The following SEMA6D variants were observed in gnomAD, a reference collection of about 807,000 sequenced individuals.
The protein encoded by SEMA6D is semaphorin 6D, also known as semaphorin-6D.
Under a neutral mutation model 106.6 loss-of-function variants are expected in SEMA6D, and 35 were observed. The observed-to-expected ratio is 0.33, with a 90% confidence interval of 0.25 to 0.44. The LOEUF (loss-of-function observed/expected upper bound fraction) is 0.44, where lower values mean the gene tolerates loss of function less well. Ranked by LOEUF, SEMA6D falls within the 20% of genes least tolerant of loss-of-function variation. SEMA6D has a pLI of 1.00. For missense variants in SEMA6D, 1,185 were observed against 1,345.9 expected (o/e 0.88, Z 1.87); for synonymous variants, 499 against 487.7 (o/e 1.02, Z -0.31).
At chr15:47,521,722 A>T (rs1339711089) in intron 3 of SEMA6D, among the ~76,000 whole-genome samples, 1 of 152,176 alleles carries the variant, frequency 6.6e-6, no homozygotes, top group African/African-American at 2.4e-5. Context: ...ACGGTGGCTC[A>T]CGCCTGTAAT....
intron 1 of SEMA6D, among the ~76,000 whole-genome samples, chr15:47,354,604 C>G (rs919925562): frequency 6.6e-6 from 1 of 151,114 alleles, no homozygotes; most frequent in Non-Finnish European, 1.5e-5. Flanking sequence ...TATATATACA[C>G]ATATGTACAT....
At chr15:47,200,362 A>G (rs1312302286) in intron 1 of SEMA6D, among the ~76,000 whole-genome samples, 1 of 152,172 alleles carries the variant, frequency 6.6e-6, no homozygotes. Flanking sequence ...TCAGATAAAC[A>G]AATTTAAGTG....
chr15:47,394,161 A>G (rs1036610511), intron 1 of SEMA6D, among the ~76,000 whole-genome samples: 1 of 152,154 alleles, frequency 6.6e-6, no homozygotes, highest in Non-Finnish European at 1.5e-5. Context: ...GGACTTGGGT[A>G]GCTTTCTTGG....
intron 1 of SEMA6D, among the ~76,000 whole-genome samples, chr15:47,731,148 G>A (rs796938341): frequency 9.9e-5 from 15 of 152,140 alleles, no homozygotes; most frequent in African/African-American, 3.6e-4. Context: ...TTGGGATCAC[G>A]TAAACTTCAT....
intron 1 of SEMA6D, among the ~76,000 whole-genome samples, chr15:47,335,279 C>T (rs1283315850): frequency 3.9e-5 from 6 of 152,066 alleles, no homozygotes; most frequent in East Asian, 3.9e-4. Flanking sequence ...GTTTTAAATG[C>T]TGCAGAGAAG....
Position 47,343,433 on chromosome 15 carries a change from T to A in SEMA6D, c.-238-68960T>A, listed in dbSNP as rs941860798. On this transcript the variant is annotated intron_variant, in intron 1 of 19. Coordinates refer to the SEMA6D transcript ENST00000558014. ...CCCCCCACCCCACAACAGTCCCCAG[T>A]GTGTGATGTTCCCCTTCCTGTGTCC... Among the ~76,000 whole-genome samples, 87 of 145,240 alleles carry A rather than the reference T, an allele frequency of 6.0e-4. 1 individual carries two copies. The highest frequency in any genetic ancestry group is 1.1e-3 in the Non-Finnish European group (75 of 66,330).
At chr15:47,389,982 CAATT>C (rs774111035) in intron 1 of SEMA6D, among the ~76,000 whole-genome samples, 9 of 152,200 alleles carry the variant, frequency 5.9e-5, no homozygotes, top group African/African-American at 2.2e-4. Flanking sequence ...TAAAACACTT[CAATT>C]GTTTTTTCAC....
Position 47,764,644 on chromosome 15 carries a change from C to T in SEMA6D, c.1104C>T (p.Gly368=), listed in dbSNP as rs753471712. Residue 368 remains glycine (G), a synonymous_variant, in exon 12 of 19, where the codon GGC becomes GGT. Coordinates refer to ENST00000536845, the MANE Select transcript of SEMA6D (RefSeq NM_001358351.3). ...PEDKVPKPRP[G]CCAKHGLAEA... ...AACGCTGTTTTCCTTTCAGGCCTGGCTGTTGTGCAAAACACGGCCTTGCCG... is the reference window on the plus strand; with the variant it reads ...AACGCTGTTTTCCTTTCAGGCCTGGTTGTTGTGCAAAACACGGCCTTGCCG... The T allele has an allele frequency of 8.7e-6, 14 of 1,613,924 alleles. No individual in the cohort carries two copies. The highest frequency in any genetic ancestry group is 1.2e-5 in the Non-Finnish European group (14 of 1,179,824).
intron 3 of SEMA6D, among the ~76,000 whole-genome samples, chr15:47,538,323 T>C (rs1414505541): frequency 6.6e-6 from 1 of 152,128 alleles, no homozygotes; most frequent in Admixed American, 6.5e-5. Context: ...TCAAGAAAGT[T>C]TGAAGAAGTT....
intron 4 of SEMA6D, among the ~76,000 whole-genome samples, chr15:47,671,782 C>T (rs1295047329): frequency 6.6e-6 from 1 of 151,964 alleles, no homozygotes; most frequent in African/African-American, 2.4e-5. Flanking sequence ...GTGAAAGAAG[C>T]AGCGATAAGG....
chr15:47,705,280 A>G (rs552320287), intron 4 of SEMA6D, among the ~76,000 whole-genome samples: 26 of 152,332 alleles, frequency 1.7e-4, no homozygotes, highest in South Asian at 1.0e-3. Context: ...TGGCCACCCA[A>G]TTGGGCACTG....
chr15:47,722,491 A>G (rs1233010293), intron 1 of SEMA6D, among the ~76,000 whole-genome samples: 1 of 152,086 alleles, frequency 6.6e-6, no homozygotes, highest in African/African-American at 2.4e-5. Flanking sequence ...TTTTTACTCA[A>G]TAAGATATCT....
intron 3 of SEMA6D, among the ~76,000 whole-genome samples, chr15:47,587,919 T>C (rs957703428): frequency 6.6e-6 from 1 of 152,022 alleles, no homozygotes; most frequent in Non-Finnish European, 1.5e-5. Context: ...TAAATGAGAG[T>C]TGAGATGGCA....
At chr15:47,212,249 T>C (rs1239217993) in intron 1 of SEMA6D, among the ~76,000 whole-genome samples, 1 of 152,190 alleles carries the variant, frequency 6.6e-6, no homozygotes, top group Non-Finnish European at 1.5e-5. Flanking sequence ...AAATGATGAC[T>C]TATGACAATG....
At chr15:47,366,347 C>A (rs1431808092) in intron 1 of SEMA6D, among the ~76,000 whole-genome samples, 3 of 152,164 alleles carry the variant, frequency 2.0e-5, no homozygotes, top group African/African-American at 4.8e-5. Flanking sequence ...ACAGTGTGAA[C>A]CTGCAAAGCC....
At chr15:47,664,498 C>T (rs2077987205) in intron 4 of SEMA6D, among the ~76,000 whole-genome samples, 1 of 152,214 alleles carries the variant, frequency 6.6e-6, no homozygotes, top group Non-Finnish European at 1.5e-5. Flanking sequence ...TCATGTATCA[C>T]AGCTATACAG....
intron 2 of SEMA6D, among the ~76,000 whole-genome samples, chr15:47,454,428 G>A (rs1338460533): frequency 6.6e-6 from 1 of 151,784 alleles, no homozygotes; most frequent in Non-Finnish European, 1.5e-5. Context: ...GCAAATTTCT[G>A]GGGCAATAGA....
At chr15:47,418,960 G>A (rs951837076) in intron 2 of SEMA6D, among the ~76,000 whole-genome samples, 4 of 152,136 alleles carry the variant, frequency 2.6e-5, no homozygotes, top group African/African-American at 9.7e-5. Flanking sequence ...TTGAGTTTAA[G>A]GAGGGTTATG....
chr15:47,702,622 TC>T (rs1339694804), intron 4 of SEMA6D, among the ~76,000 whole-genome samples: 2 of 152,210 alleles, frequency 1.3e-5, no homozygotes, highest in East Asian at 3.8e-4. Context: ...AACCAGAATG[TC>T]CTTCAGTAGG....
Sources: allele counts gnomAD v4.1 joint callset (sites outside exome capture counted in the v4.1 genomes callset), GRCh38; gene constraint gnomAD v4.1.1; transcripts MANE v1.5; gene names NCBI Gene and HGNC (gene_info 2026-07-23, HGNC 2026-07-21).